The following SAAL1 variants were observed in gnomAD, a reference collection of about 807,000 sequenced individuals.
SAAL1 encodes the protein protein SAAL1.
A neutral mutation model predicts 59.8 loss-of-function variants in SAAL1; 42 were observed. The observed-to-expected ratio is 0.70, with a 90% confidence interval of 0.55 to 0.91. SAAL1 has a LOEUF of 0.91. Ranked by LOEUF, SAAL1 falls within the 40% of genes least tolerant of loss-of-function variation. The probability of loss-of-function intolerance (pLI) is 0.00; values close to 1 mark genes in which losing one functional copy is unlikely to be tolerated. For missense variants in SAAL1, 542 were observed against 561.1 expected, an observed-to-expected ratio of 0.97 and a Z score of 0.34; for synonymous variants, 191 against 194.3, an observed-to-expected ratio of 0.98 and a Z score of 0.14.
At chr11:18,082,838 C>T (rs1848424335) in intron 10 of SAAL1, among the ~76,000 whole-genome samples, 1 of 152,028 alleles carries the variant, frequency 6.6e-6, no homozygotes, top group South Asian at 2.1e-4. Context: ...TGCCATGTTG[C>T]CCAAACTGGT....
chr11:18,102,515 C>G (rs1054851087), intron 2 of SAAL1, among the ~76,000 whole-genome samples: 7 of 151,446 alleles, frequency 4.6e-5, no homozygotes, highest in African/African-American at 1.7e-4. Context: ...TAGCCATTGA[C>G]AATTTTTAAG....
chr11:18,089,433 T>C lies in SAAL1; in HGVS notation c.667A>G (p.Arg223Gly). The C allele has an allele frequency of 6.2e-7, 1 of 1,612,850 alleles. No individual in the cohort carries two copies. ...TCCAGAGGCTGAGCAGCCCCATTTC[T>C]GACCCATTCTAACATTAGTTTCTCA... Reference protein sequence around the residue: ...LDEKLMLEWVRNGAAQPLDQP... With the variant: ...LDEKLMLEWVGNGAAQPLDQP... Residue 223 changes from arginine (R) to glycine (G), a missense_variant, in exon 7 of 12, where the codon AGA (arginine) becomes GGA (glycine). Coordinates refer to ENST00000524803, the MANE Select transcript of SAAL1 (RefSeq NM_138421.3).
At chr11:18,093,189 T>C (rs1848540195) in intron 3 of SAAL1, among the ~76,000 whole-genome samples, 1 of 152,170 alleles carries the variant, frequency 6.6e-6, no homozygotes, top group African/African-American at 2.4e-5. Context: ...ATGTCACCCT[T>C]ATTTTACTTA....
At position 18,106,047 on chromosome 11, in the gene SAAL1, T is replaced by C. The variant is rs779985924; in HGVS notation, c.-6A>G. ...GGCGAGGGGTTGCGGTCCATGACTT[T>C]GTCGCGTCCCGCGCTTGAAGGCCGT... On this transcript the variant is annotated 5_prime_UTR_variant, in exon 1 of 12. Transcript: ENST00000524803. 3.2e-5 allele frequency: 51 copies of C among 1,598,170 alleles called. No individual in the cohort carries two copies. Among genetic ancestry groups the C allele is most frequent in the Admixed American group, 1.0e-4 (6 of 58,832 alleles).
intron 10 of SAAL1, 155 bp from the exon 11 acceptor site, chr11:18,081,658 C>G (rs1848411232): frequency 1.6e-6 from 1 of 614,876 alleles, no homozygotes; most frequent in African/African-American, 1.8e-5. Context: ...GCTTATGTAA[C>G]CCAAACATGT....
At chr11:18,098,897 A>C (rs1848603779) in intron 2 of SAAL1, among the ~76,000 whole-genome samples, 1 of 152,244 alleles carries the variant, frequency 6.6e-6, no homozygotes, top group Non-Finnish European at 1.5e-5. Flanking sequence ...TCATTGAACA[A>C]GTATTAAATG....
chr11:18,105,793 G>A, intron 1 of SAAL1, 114 bp downstream of exon 1: 1 of 1,319,032 alleles, frequency 7.6e-7, no homozygotes, highest in Middle Eastern at 2.7e-4. Context: ...GCGCACGCCT[G>A]GGGAGGGGTC....
chr11:18,092,407 C>G (rs924468690), intron 3 of SAAL1, 83 bp from the exon 4 acceptor site: 3 of 906,310 alleles, frequency 3.3e-6, no homozygotes, highest in Non-Finnish European at 5.5e-6. Context: ...AAAACTTTCG[C>G]TGAGCCAAGT....
chr11:18,083,393 T>TA (rs1564869229), intron 10 of SAAL1, 142 bp downstream of exon 10: 18 of 537,354 alleles, frequency 3.3e-5, no homozygotes, highest in African/African-American at 3.0e-4. Flanking sequence ...TTTTTAAGAT[T>TA]ATAAACTCAT....
At chr11:18,102,383 T>C (rs952218483) in intron 2 of SAAL1, among the ~76,000 whole-genome samples, 16 of 147,690 alleles carry the variant, frequency 1.1e-4, no homozygotes, top group Admixed American at 2.7e-4. Flanking sequence ...GCCTAGGTGA[T>C]AGAGACTCCA....
At chr11:18,103,166 T>C (rs1049058505) in intron 2 of SAAL1, 67 bp downstream of exon 2, 9 of 1,102,310 alleles carry the variant, frequency 8.2e-6, no homozygotes, top group Middle Eastern at 2.0e-4. Context: ...GACTGAACCG[T>C]TTTTAAAACA....
chr11:18,089,335 T>C lies in SAAL1; in HGVS notation c.765A>G (p.Gln255=), dbSNP rs770855662. The change falls in exon 7 of 12, where the codon CAA becomes CAG. Residue 255 remains glutamine, a synonymous_variant. Coordinates refer to ENST00000524803, the MANE Select transcript of SAAL1 (RefSeq NM_138421.3). Reference sequence around the variant, plus strand: ...ACACAAAAGAGCTCACCTACCGTACTTGTTTGGCAGCTTCAAGTATACAGG... The same window carrying C: ...ACACAAAAGAGCTCACCTACCGTACCTGTTTGGCAGCTTCAAGTATACAGG... ...LVPCILEAAK[Q]VRSENPEWLD... is the part of the protein sequence containing the mutation. 2.6e-6 allele frequency: 4 copies of C among 1,547,514 alleles called. No homozygotes were observed. In the South Asian group the frequency reaches 3.8e-5, roughly 15 times the overall value.
chr11:18,096,724 G>T, intron 3 of SAAL1, 47 bp downstream of exon 3: 1 of 966,494 alleles, frequency 1.0e-6, no homozygotes, highest in Non-Finnish European at 1.7e-6. Flanking sequence ...AGCACTATCT[G>T]TTCTTATTGC....
chr11:18,086,402 T>C (rs1049665962), intron 9 of SAAL1, among the ~76,000 whole-genome samples: 5 of 151,728 alleles, frequency 3.3e-5, no homozygotes, highest in African/African-American at 9.7e-5. Context: ...ACTCTGGCTT[T>C]AAAATAAGTA....
At chr11:18,094,537 C>T (rs540768709) in intron 3 of SAAL1, among the ~76,000 whole-genome samples, 143 of 152,120 alleles carry the variant, frequency 9.4e-4, no homozygotes, top group African/African-American at 3.3e-3. Context: ...AGGCTTTGCT[C>T]CTACAGGCAG....
At chr11:18,080,591 A>C in intron 11 of SAAL1, 100 bp from the exon 12 acceptor site, 1 of 669,614 alleles carries the variant, frequency 1.5e-6, no homozygotes, top group Non-Finnish European at 2.5e-6. Context: ...GTCCAATGGA[A>C]AAGAAATGCT....
intron 2 of SAAL1, among the ~76,000 whole-genome samples, chr11:18,098,933 G>A (rs544400976): frequency 1.3e-5 from 2 of 152,326 alleles, no homozygotes; most frequent in South Asian, 4.1e-4. Flanking sequence ...TGGCTTGCAT[G>A]CTATCTCATT....
chr11:18,089,286 A>C (rs1368862181), intron 7 of SAAL1, 44 bp downstream of exon 7: 2 of 1,466,652 alleles, frequency 1.4e-6, no homozygotes, highest in Admixed American at 5.0e-5. Flanking sequence ...TACTTCTAGC[A>C]ATTGCATTTT....
At chr11:18,095,176 G>A (rs1411534655) in intron 3 of SAAL1, among the ~76,000 whole-genome samples, 1 of 152,200 alleles carries the variant, frequency 6.6e-6, no homozygotes, top group Non-Finnish European at 1.5e-5. Context: ...ATTCTAACAT[G>A]CAGCCAAGGC....
Sources: allele counts gnomAD v4.1 joint callset (sites outside exome capture counted in the v4.1 genomes callset), GRCh38; gene constraint gnomAD v4.1.1; transcripts MANE v1.5; gene names NCBI Gene and HGNC (gene_info 2026-07-23, HGNC 2026-07-21).